RSPH9: variants seen among roughly 807,000 people sequenced by gnomAD.
The protein encoded by RSPH9 is radial spoke head protein 9 homolog.
A neutral mutation model predicts 27.0 loss-of-function variants in RSPH9; 27 were observed. The ratio of observed to expected loss-of-function variants is 1.00; its 90% CI spans 0.74 to 1.38. The LOEUF (loss-of-function observed/expected upper bound fraction) is 1.38, where lower values mean the gene tolerates loss of function less well. Ranked by LOEUF, RSPH9 falls within the 40% of genes most tolerant of loss-of-function variation. The pLI is 0.00. For missense variants in RSPH9, 347 were observed against 357.4 expected (o/e 0.97, Z 0.24); for synonymous variants, 145 against 147.7 (o/e 0.98, Z 0.13).
chr6:43,672,294 G>C lies in RSPH9; in HGVS notation c.*1345G>C. On this transcript the variant is annotated 3_prime_UTR_variant, in exon 5 of 5. Transcript: ENST00000372163. ...ATGTAAGGCTCTGGAGGAACCCATT[G>C]CTCTTCCCCATTTGGCTCACTCAGC... 2.2e-6 allele frequency: 1 copy of C among 458,970 alleles called. No individual in the cohort carries two copies. The highest frequency in any genetic ancestry group is 1.6e-5 in the South Asian group (1 of 62,956). The allele number at this position is 458,970 out of a possible 1,614,324, so 28.4% of individuals were successfully genotyped here. A position where few individuals can be genotyped will look rare whatever the true frequency, so the allele number is the denominator to read the frequency against.
At chr6:43,666,498 G>A in intron 4 of RSPH9, 1 of 1,550,244 alleles carries the variant, frequency 6.5e-7, no homozygotes, top group Non-Finnish European at 8.7e-7. Flanking sequence ...CTGTTCCTGG[G>A]ACTCCTGCTC....
chr6:43,672,008 G>T lies in RSPH9; in HGVS notation c.*1059G>T. 1 of 1,326,410 alleles carries T rather than the reference G, an allele frequency of 7.5e-7. No homozygotes were observed. Among genetic ancestry groups the T allele is most frequent in the Non-Finnish European group, 1.0e-6 (1 of 990,952 alleles). The allele number at this position is 1,326,410 out of a possible 1,614,324, so 82.2% of individuals were successfully genotyped here. Reference sequence around the variant, plus strand: ...CTCAGGCCAGGCCACGGTTGGGCAAGCAAATCCTTTCACCAGTTTCCCTTT... The same window carrying T: ...CTCAGGCCAGGCCACGGTTGGGCAATCAAATCCTTTCACCAGTTTCCCTTT... On this transcript the variant is annotated 3_prime_UTR_variant, in exon 5 of 5. Transcript: ENST00000372163.
At chr6:43,646,477 A>G (rs906508272) in intron 1 of RSPH9, among the ~76,000 whole-genome samples, 2 of 149,876 alleles carry the variant, frequency 1.3e-5, no homozygotes, top group Admixed American at 1.3e-4. Flanking sequence ...GGGTTTCACT[A>G]TGCTGGTTAG....
At chr6:43,654,207 A>C (rs1465451836) in intron 2 of RSPH9, among the ~76,000 whole-genome samples, 5 of 152,154 alleles carry the variant, frequency 3.3e-5, no homozygotes. Context: ...GTTGACACGC[A>C]TTCTCTGTCG....
At position 43,650,525 on chromosome 6, in the gene RSPH9, T is replaced by G; in HGVS notation, c.378T>G (p.Phe126Leu). 1 of 1,614,000 alleles carries G rather than the reference T, an allele frequency of 6.2e-7. No homozygotes were observed. The highest frequency in any genetic ancestry group is 8.5e-7 in the Non-Finnish European group (1 of 1,179,988). ...AGGTGAATGAAGGTGAAAAAGTCTT[T>G]GAAGAAGAAATAGTGGTGAGTGAAG... ...LQKVNEGEKV[F>L]EEEIVVQIKE... The change falls in exon 2 of 5, where the codon TTT becomes TTG. Residue 126 changes from phenylalanine (F) to leucine (L), a missense_variant. Transcript: ENST00000372163.
intron 4 of RSPH9, chr6:43,666,323 C>A: frequency 1.0e-6 from 1 of 955,102 alleles, no homozygotes. Context: ...CTAATTGGGG[C>A]CAAAATCCCA....
In RSPH9 at chr6:43,656,702, T is replaced by G; in HGVS notation, c.649T>G (p.Leu217Val). 6.2e-7 allele frequency: 1 copy of G among 1,614,200 alleles called. No homozygotes were observed. The highest frequency in any genetic ancestry group is 8.5e-7 in the Non-Finnish European group (1 of 1,180,014). Reference sequence around the variant, plus strand: ...CCCCTCCCTGGATTTCATGGACTCCTTGGAGCATGACATTCCCAAAGGTAA... The same window carrying G: ...CCCCTCCCTGGATTTCATGGACTCCGTGGAGCATGACATTCCCAAAGGTAA... ...LDPSLDFMDS[L>V]EHDIPKGSWS... is the part of the protein sequence containing the mutation. Residue 217 changes from leucine (L) to valine (V), a missense_variant, in exon 4 of 5, where the codon TTG (leucine) becomes GTG (valine). By Grantham distance (32) the Leu-to-Val change is conservative. Coordinates refer to ENST00000372163, the MANE Select transcript of RSPH9 (RefSeq NM_152732.5).
chr6:43,657,967 G>T (rs1453803999), intron 4 of RSPH9, among the ~76,000 whole-genome samples: 1 of 152,146 alleles, frequency 6.6e-6, no homozygotes, highest in Non-Finnish European at 1.5e-5. Context: ...TTATAACAGT[G>T]CCTAACACAT....
intron 1 of RSPH9, among the ~76,000 whole-genome samples, chr6:43,649,891 T>C (rs980246125): frequency 2.6e-5 from 4 of 152,198 alleles, no homozygotes; most frequent in Admixed American, 2.6e-4. Context: ...AAATTGAATC[T>C]GTTTATTACA....
intron 4 of RSPH9, among the ~76,000 whole-genome samples, chr6:43,666,798 A>C (rs1341086041): frequency 6.6e-6 from 1 of 152,212 alleles, no homozygotes; most frequent in Non-Finnish European, 1.5e-5. Flanking sequence ...TATTTGAGAC[A>C]GAGTCTCGCT....
At chr6:43,651,535 T>A (rs1433540055) in intron 2 of RSPH9, among the ~76,000 whole-genome samples, 1 of 151,940 alleles carries the variant, frequency 6.6e-6, no homozygotes, top group Non-Finnish European at 1.5e-5. Flanking sequence ...GGACATTAAC[T>A]CTCTCTCTCT....
In RSPH9 at chr6:43,645,122, GTC is replaced by G; in HGVS notation, c.28_29del (p.Leu10GlyfsTer26). 6.2e-7 allele frequency: 1 copy of G among 1,612,812 alleles called. No individual in the cohort carries two copies. Among genetic ancestry groups the G allele is most frequent in the Non-Finnish European group, 8.5e-7 (1 of 1,179,984 alleles). On this transcript the variant is annotated frameshift_variant, in exon 1 of 5. Transcript: ENST00000372163. LOFTEE classifies it high-confidence loss of function. Reference protein sequence around the residue: MDADSLLLSLELASGSGQG... With the variant: MDADSLLLXLELASGSGQG... ...TGATGGACGCCGACAGCCTCCTGCTGTCTCTGGAGCTGGCGTCCGGCAGTGGG... is the reference window on the plus strand; with the variant it reads ...TGATGGACGCCGACAGCCTCCTGCTGTCTGGAGCTGGCGTCCGGCAGTGGG...
intron 4 of RSPH9, 97 bp downstream of exon 4, chr6:43,656,820 C>A: frequency 7.2e-7 from 1 of 1,398,258 alleles, no homozygotes; most frequent in Non-Finnish European, 1.0e-6. Flanking sequence ...GAACCAAGGG[C>A]CTAGTGGGAA....
intron 3 of RSPH9, among the ~76,000 whole-genome samples, chr6:43,656,347 A>G (rs1772048722): frequency 6.6e-6 from 1 of 152,036 alleles, no homozygotes; most frequent in African/African-American, 2.4e-5. Context: ...CGGCTTCCCA[A>G]AGTGCTGGGA....
Position 43,654,763 on chromosome 6 carries a change from C to T in RSPH9, c.394-799C>T, listed in dbSNP as rs116146394. Among the ~76,000 whole-genome samples, 917 of 152,276 alleles carry T rather than the reference C, an allele frequency of 6.0e-3. 10 individuals carry two copies. Among genetic ancestry groups the T allele is most frequent in the African/African-American group, 0.021 (870 of 41,554 alleles). ...TCTTGAACCTAGGAGGTAGGGATTG[C>T]AGTGAGCTGAGATCCCTGCACTGTA... is the stretch of plus-strand genomic sequence containing the variant. On this transcript the variant is annotated intron_variant, in intron 2 of 4. Coordinates refer to ENST00000372163, the MANE Select transcript of RSPH9 (RefSeq NM_152732.5).
In RSPH9 at chr6:43,645,052, G is replaced by C; in HGVS notation, c.-47G>C. 1 of 1,538,120 alleles carries C rather than the reference G, an allele frequency of 6.5e-7. No individual in the cohort carries two copies. ...CGGAGCTTCAGGTCTCCATGGAGGC[G>C]GCTTCTCCTAGCAACTCGACGGGCG... On this transcript the variant is annotated 5_prime_UTR_variant, in exon 1 of 5. Coordinates refer to ENST00000372163, the MANE Select transcript of RSPH9 (RefSeq NM_152732.5).
chr6:43,658,993 A>C (rs1772325503), intron 4 of RSPH9, among the ~76,000 whole-genome samples: 1 of 152,088 alleles, frequency 6.6e-6, no homozygotes, highest in South Asian at 2.1e-4. Flanking sequence ...GGCTTACGTA[A>C]TATTCTTAAT....
rs1770713541 is a variant in RSPH9 at position 43,645,210 on chromosome 6, G to T, written c.112G>T (p.Asp38Tyr). 1.2e-6 allele frequency: 2 copies of T among 1,614,030 alleles called. No individual in the cohort carries two copies. Among genetic ancestry groups the T allele is most frequent in the Non-Finnish European group, 1.7e-6 (2 of 1,180,018 alleles). ...CACGTCTCTTATGCTGGTTAAGCGC[G>T]ACTACCGCTATGATCGGGTTCTCTT... Reference protein sequence around the residue: ...LLTSLMLVKRDYRYDRVLFWG... With the variant: ...LLTSLMLVKRYYRYDRVLFWG... The change falls in exon 1 of 5, where the codon GAC becomes TAC. Residue 38 changes from aspartate to tyrosine, a missense_variant. Asp to Tyr is a radical substitution (Grantham distance 160). Coordinates refer to ENST00000372163, the MANE Select transcript of RSPH9 (RefSeq NM_152732.5).
At chr6:43,655,743 C>T (rs752578358) in intron 3 of RSPH9, 52 bp downstream of exon 3, 7 of 1,604,328 alleles carry the variant, frequency 4.4e-6, no homozygotes, top group African/African-American at 2.7e-5. Flanking sequence ...TTCCCAAGCA[C>T]AGTAGAACAT....
Sources: allele counts gnomAD v4.1 joint callset (sites outside exome capture counted in the v4.1 genomes callset), GRCh38; gene constraint gnomAD v4.1.1; transcripts MANE v1.5; gene names NCBI Gene and HGNC (gene_info 2026-07-23, HGNC 2026-07-21).